Variants in DTNA observed in about 807,000 individuals in gnomAD.
DTNA encodes the protein dystrophin-related protein 3.
In DTNA, 43 loss-of-function variants were observed where a neutral mutation model predicts 100.7. That is an observed-to-expected ratio of 0.43 (90% CI 0.33 to 0.55). The LOEUF (loss-of-function observed/expected upper bound fraction) is 0.55. DTNA is among the 20% of genes least tolerant of loss of function. DTNA has a pLI of 0.04. For missense variants in DTNA, 798 were observed against 953.9 expected (o/e 0.84, Z 2.15); for synonymous variants, 349 against 347.9 (o/e 1.00, Z -0.04).
chr18:34,690,981 C>T (rs1600269373), intron 1 of DTNA, among the ~76,000 whole-genome samples: 7 of 152,196 alleles, frequency 4.6e-5, no homozygotes, highest in South Asian at 2.1e-4. Flanking sequence ...ATAACCTGCC[C>T]GAGGTTAAGT....
intron 3 of DTNA, among the ~76,000 whole-genome samples, chr18:34,769,138 G>T (rs1398640699): frequency 6.6e-6 from 1 of 152,122 alleles, no homozygotes; most frequent in African/African-American, 2.4e-5. Context: ...CTAAATTAAG[G>T]TTTTAAAAAT....
chr18:34,528,484 A>G (rs980898175), intron 1 of DTNA, among the ~76,000 whole-genome samples: 8 of 152,206 alleles, frequency 5.3e-5, no homozygotes, highest in East Asian at 1.9e-4. Flanking sequence ...ATGCATATAT[A>G]TATACACACA....
chr18:34,500,759 C>T (rs997048664), intron 1 of DTNA, among the ~76,000 whole-genome samples: 6 of 151,932 alleles, frequency 3.9e-5, no homozygotes, highest in East Asian at 1.9e-4. Flanking sequence ...CCACCACGCC[C>T]GGCCAGTTCT....
At chr18:34,866,124 A>G (rs779315937) in intron 17 of DTNA, 2 of 1,614,188 alleles carry the variant, frequency 1.2e-6, no homozygotes, top group South Asian at 2.2e-5. Flanking sequence ...GAAGAACTGA[A>G]GCAGGGAGTA....
At chr18:34,634,267 A>G (rs1217442267) in intron 1 of DTNA, among the ~76,000 whole-genome samples, 1 of 152,196 alleles carries the variant, frequency 6.6e-6, no homozygotes, top group Non-Finnish European at 1.5e-5. Flanking sequence ...CAAGCTTGTA[A>G]AAATTATTCA....
chr18:34,817,838 T>C, intron 7 of DTNA: 2 of 747,794 alleles, frequency 2.7e-6, no homozygotes, highest in Non-Finnish European at 3.7e-6. Flanking sequence ...CAGAGAGCAG[T>C]TTGGGGTAAA....
At chr18:34,621,957 G>A (rs1240186990) in intron 1 of DTNA, among the ~76,000 whole-genome samples, 1 of 152,106 alleles carries the variant, frequency 6.6e-6, no homozygotes, top group African/African-American at 2.4e-5. Flanking sequence ...TAAAGACAAA[G>A]TTGAACTCAT....
rs112246980 is a variant in DTNA, at chr18:34,584,295, G to A, written c.-2+90781G>A. On this transcript the variant is annotated intron_variant, in intron 1 of 19. Coordinates refer to the DTNA transcript ENST00000283365. ...TATGGAGGAAAGTCTCCAACAAAGA[G>A]ACCAAAGCAAACTAACCAACAAGAA... 5.4e-3 allele frequency among the ~76,000 whole-genome samples: 818 copies of A among 152,234 alleles called. 10 individuals are homozygous for A. The highest frequency in any genetic ancestry group is 0.019 in the African/African-American group (784 of 41,536).
intron 1 of DTNA, among the ~76,000 whole-genome samples, chr18:34,592,467 A>AACACACACACACACACACACACACACAC (rs3078085): frequency 2.2e-5 from 3 of 139,436 alleles, no homozygotes; most frequent in South Asian, 2.3e-4. Flanking sequence ...ACACTTGTAT[A>AACACACACACACACACACACACACACAC]ACACACACAC....
intron 1 of DTNA, among the ~76,000 whole-genome samples, chr18:34,558,374 C>T (rs868807902): frequency 4.6e-5 from 7 of 152,294 alleles, no homozygotes; most frequent in Admixed American, 6.5e-5. Context: ...TGTTCCTATT[C>T]GGCCATCTTG....
At chr18:34,500,472 T>A (rs1055673504) in intron 1 of DTNA, among the ~76,000 whole-genome samples, 1 of 150,700 alleles carries the variant, frequency 6.6e-6, no homozygotes. Context: ...GTTGTTTGTT[T>A]GTTTGTTTTG....
chr18:34,728,548 T>C (rs948748981), intron 1 of DTNA, among the ~76,000 whole-genome samples: 1 of 152,086 alleles, frequency 6.6e-6, no homozygotes, highest in African/African-American at 2.4e-5. Context: ...AAGAATATTA[T>C]AAAATAAAGT....
intron 1 of DTNA, among the ~76,000 whole-genome samples, chr18:34,582,755 G>T (rs1476416362): frequency 6.6e-6 from 1 of 152,150 alleles, no homozygotes; most frequent in Non-Finnish European, 1.5e-5. Flanking sequence ...GGATACTCTT[G>T]AAGAAATAGG....
intron 17 of DTNA, chr18:34,868,785 C>A (rs1338052774): frequency 1.0e-6 from 1 of 983,942 alleles, no homozygotes; most frequent in African/African-American, 1.7e-5. Context: ...ATATCACAAG[C>A]AATAAATTTT....
At position 34,891,307 on chromosome 18, in the gene DTNA, A is replaced by C. The variant is rs1317218459; in HGVS notation, c.*3573A>C. ...GTGTGTGTGTTGGAACCTCCTGGGG[A>C]CATGTTATATTTTGAAGTGATTAAA... On this transcript the variant is annotated 3_prime_UTR_variant, in exon 23 of 23. Coordinates refer to ENST00000444659, the MANE Select transcript of DTNA (RefSeq NM_001386795.1). The C allele has an allele frequency of 6.6e-6, 1 of 152,206 alleles. No homozygotes were observed. Among genetic ancestry groups the C allele is most frequent in the African/African-American group, 2.4e-5 (1 of 41,310 alleles). The allele number at this position is 152,206 out of a possible 1,614,324, so 9.4% of individuals were successfully genotyped here. A position where few individuals can be genotyped will look rare whatever the true frequency, so the allele number is the denominator to read the frequency against.
intron 5 of DTNA, 125 bp from the exon 6 acceptor site, chr18:34,811,834 T>C: frequency 4.4e-6 from 5 of 1,137,492 alleles, no homozygotes; most frequent in Non-Finnish European, 6.3e-6. Context: ...AATTAGCTTT[T>C]ATATTATTCT....
At chr18:34,531,179 A>G (rs1018903329) in intron 1 of DTNA, among the ~76,000 whole-genome samples, 15 of 152,256 alleles carry the variant, frequency 9.9e-5, no homozygotes, top group African/African-American at 3.6e-4. Context: ...TTGCTTTAGC[A>G]TATACATTCT....
At chr18:34,838,877 G>T (rs1315906084) in intron 13 of DTNA, 40 bp downstream of exon 13, 1 of 1,566,406 alleles carries the variant, frequency 6.4e-7, no homozygotes, top group Non-Finnish European at 8.8e-7. Flanking sequence ...CTTAGAGAGG[G>T]ATACAGTCTG....
rs2094620363 is a variant in DTNA at position 34,789,358 on chromosome 18, C to G, written c.149-4679C>G. Among the ~76,000 whole-genome samples, 2 of 152,240 alleles carry G rather than the reference C, an allele frequency of 1.3e-5. 1 individual carries two copies. Among genetic ancestry groups the G allele is most frequent in the South Asian group, 4.1e-4 (2 of 4,832 alleles). ...GACATTTTTAAGCTGCATTCCTGATCATGTTGCTGTCCTACTTAAAACCCA... is the reference window on the plus strand; with the variant it reads ...GACATTTTTAAGCTGCATTCCTGATGATGTTGCTGTCCTACTTAAAACCCA... On this transcript the variant is annotated intron_variant, in intron 3 of 22. Coordinates refer to ENST00000444659, the MANE Select transcript of DTNA (RefSeq NM_001386795.1).
Sources: allele counts gnomAD v4.1 joint callset (sites outside exome capture counted in the v4.1 genomes callset), GRCh38; gene constraint gnomAD v4.1.1; transcripts MANE v1.5; gene names NCBI Gene and HGNC (gene_info 2026-07-23, HGNC 2026-07-21).